The following RUNX2 variants were observed in gnomAD, a reference collection of about 807,000 sequenced individuals.
RUNX2 encodes RUNX family transcription factor 2.
In RUNX2, 10 loss-of-function variants were observed where a neutral mutation model predicts 51.7. The observed-to-expected ratio is 0.19, with a 90% CI of 0.12 to 0.33. RUNX2 has a LOEUF of 0.33. Ranked by LOEUF, RUNX2 falls within the 10% of genes least tolerant of loss-of-function variation. The probability of loss-of-function intolerance (pLI) is 1.00; values close to 1 mark genes in which losing one functional copy is unlikely to be tolerated. For missense variants in RUNX2, 562 were observed against 691.3 expected (o/e 0.81, Z 2.10); for synonymous variants, 276 against 273.6 (o/e 1.01, Z -0.09).
intron 5 of RUNX2, among the ~76,000 whole-genome samples, chr6:45,482,636 C>T (rs919791377): frequency 2.2e-4 from 33 of 152,158 alleles, no homozygotes; most frequent in African/African-American, 8.0e-4. Flanking sequence ...AACTTTATGT[C>T]ACTGGTCTAA....
At chr6:45,350,296 T>C (rs1012903833) in intron 2 of RUNX2, among the ~76,000 whole-genome samples, 2 of 152,236 alleles carry the variant, frequency 1.3e-5, no homozygotes, top group African/African-American at 4.8e-5. Flanking sequence ...AACATTTGTA[T>C]ATAATAATCT....
At chr6:45,436,290 C>T (rs1449896940) in intron 4 of RUNX2, among the ~76,000 whole-genome samples, 1 of 151,234 alleles carries the variant, frequency 6.6e-6, no homozygotes, top group Non-Finnish European at 1.5e-5. Flanking sequence ...GGCCAAGTGA[C>T]AGAATATTTA....
intron 5 of RUNX2, among the ~76,000 whole-genome samples, 196 bp downstream of exon 5, chr6:45,438,247 T>G (rs1798745658): frequency 6.6e-6 from 1 of 152,194 alleles, no homozygotes; most frequent in South Asian, 2.1e-4. Flanking sequence ...GGTTTTAACC[T>G]TTGCCACACA....
intron 6 of RUNX2, among the ~76,000 whole-genome samples, chr6:45,499,181 C>CT (rs1800730824): frequency 6.6e-6 from 1 of 152,152 alleles, no homozygotes; most frequent in Non-Finnish European, 1.5e-5. Context: ...GGAAGTGGTT[C>CT]TTTTTTACTT....
chr6:45,540,303 G>C (rs1307223638), intron 7 of RUNX2, among the ~76,000 whole-genome samples: 1 of 152,168 alleles, frequency 6.6e-6, no homozygotes, highest in Non-Finnish European at 1.5e-5. Context: ...AGGCCCTGCT[G>C]CCTGTGTGAC....
intron 7 of RUNX2, among the ~76,000 whole-genome samples, chr6:45,517,069 G>C (rs1014838461): frequency 6.6e-6 from 1 of 152,090 alleles, no homozygotes; most frequent in African/African-American, 2.4e-5. Context: ...ATACCTTTCT[G>C]ATGCTTTCTG....
rs1294413644 is a variant in RUNX2, at chr6:45,333,800, A to G, written c.58+5016A>G. Reference sequence around the variant, plus strand: ...TATTCATGCACTTCCTCTACTCTATATTCTTGTTAATACTCATAAATCCAA... The same window carrying G: ...TATTCATGCACTTCCTCTACTCTATGTTCTTGTTAATACTCATAAATCCAA... On this transcript the variant is annotated intron_variant, in intron 2 of 8. Coordinates refer to ENST00000647337, the MANE Select transcript of RUNX2 (RefSeq NM_001024630.4). 4.6e-5 allele frequency among the ~76,000 whole-genome samples: 7 copies of G among 151,294 alleles called. No homozygotes were observed. The East Asian group carries it at 1.4e-3, about 29-fold the overall frequency.
intron 2 of RUNX2, chr6:45,365,345 A>G (rs755621691): frequency 7.1e-6 from 9 of 1,274,256 alleles, no homozygotes; most frequent in South Asian, 2.6e-5. Context: ...GTACCTAGCT[A>G]TAAGTAAATG....
At chr6:45,478,662 G>T (rs1263789549) in intron 5 of RUNX2, among the ~76,000 whole-genome samples, 1 of 149,490 alleles carries the variant, frequency 6.7e-6, no homozygotes, top group Admixed American at 6.7e-5. Context: ...GTGTGTGTGT[G>T]TATTTGTGGA....
intron 7 of RUNX2, among the ~76,000 whole-genome samples, chr6:45,518,513 G>A (rs917106500): frequency 6.6e-6 from 1 of 152,062 alleles, no homozygotes; most frequent in Admixed American, 6.6e-5. Context: ...TACTAGATCA[G>A]TTGGAGATAA....
intron 2 of RUNX2, among the ~76,000 whole-genome samples, chr6:45,337,339 C>T (rs1788782739): frequency 6.6e-6 from 1 of 151,694 alleles, no homozygotes; most frequent in Non-Finnish European, 1.5e-5. Context: ...GTACGTACCT[C>T]TTCCTTATCA....
At chr6:45,333,391 T>C (rs1562969372) in intron 2 of RUNX2, among the ~76,000 whole-genome samples, 1 of 151,554 alleles carries the variant, frequency 6.6e-6, no homozygotes, top group Non-Finnish European at 1.5e-5. Flanking sequence ...GTATAGCAAT[T>C]CAGATTAAAT....
Position 45,512,320 on chromosome 6 carries a change from T to A in RUNX2, c.934T>A (p.Ser312Thr). Reference protein sequence around the residue: ...SYPSYLSQMTSPSIHSTTPLS... With the variant: ...SYPSYLSQMTTPSIHSTTPLS... ...CCCCTCCTACCTGAGCCAGATGACG[T>A]CCCCGTCCATCCACTCTACCACCCC... The change falls in exon 7 of 9, where the codon TCC becomes ACC. Residue 312 changes from serine (S) to threonine (T), a missense_variant. Coordinates refer to ENST00000647337, the MANE Select transcript of RUNX2 (RefSeq NM_001024630.4). 6.2e-7 allele frequency: 1 copy of A among 1,614,090 alleles called. No homozygotes were observed.
chr6:45,390,916 A>C (rs1366507742), intron 2 of RUNX2, among the ~76,000 whole-genome samples: 1 of 152,198 alleles, frequency 6.6e-6, no homozygotes, highest in East Asian at 1.9e-4. Context: ...TTTTAAATAC[A>C]TAACTTTATT....
Position 45,439,528 on chromosome 6 carries a change from G to A in RUNX2, c.685+1477G>A, listed in dbSNP as rs777996967. 2.4e-4 allele frequency among the ~76,000 whole-genome samples: 36 copies of A among 152,328 alleles called. 1 individual carries two copies. Among genetic ancestry groups the A allele is most frequent in the Non-Finnish European group, 4.1e-4 (28 of 68,032 alleles). ...CCCGGAATTCCTGAAAAGGCAGGAC[G>A]TCCATTTTAGTAATGCACATAGCAG... On this transcript the variant is annotated intron_variant, in intron 5 of 8. Transcript: ENST00000647337.
chr6:45,429,896 C>G (rs1384193905), intron 3 of RUNX2, among the ~76,000 whole-genome samples: 1 of 152,026 alleles, frequency 6.6e-6, no homozygotes, highest in Non-Finnish European at 1.5e-5. Context: ...GGGTTCAAGA[C>G]CAGCCTGGCC....
intron 5 of RUNX2, among the ~76,000 whole-genome samples, chr6:45,487,673 T>G (rs1800325714): frequency 6.6e-6 from 1 of 152,088 alleles, no homozygotes; most frequent in Non-Finnish European, 1.5e-5. Flanking sequence ...ACCAGAAAAT[T>G]TTCTTTCACT....
At chr6:45,406,112 G>T (rs1028047678) in intron 2 of RUNX2, among the ~76,000 whole-genome samples, 9 of 152,106 alleles carry the variant, frequency 5.9e-5, no homozygotes, top group African/African-American at 2.2e-4. Flanking sequence ...CGACTGCTCT[G>T]TAAACATTTT....
chr6:45,441,859 C>T (rs1440876479), intron 5 of RUNX2, among the ~76,000 whole-genome samples: 1 of 152,236 alleles, frequency 6.6e-6, no homozygotes, highest in East Asian at 1.9e-4. Context: ...GAGGCCTTGC[C>T]TATCAACACA....
Sources: allele counts gnomAD v4.1 joint callset (sites outside exome capture counted in the v4.1 genomes callset), GRCh38; gene constraint gnomAD v4.1.1; transcripts MANE v1.5; gene names NCBI Gene and HGNC (gene_info 2026-07-23, HGNC 2026-07-21).